Variants in CDH12 observed in about 807,000 individuals in gnomAD.
CDH12 encodes cadherin 12.
In CDH12, 41 loss-of-function variants were observed where a neutral mutation model predicts 74.1. The ratio of observed to expected loss-of-function variants is 0.55; its 90% CI spans 0.43 to 0.72. CDH12 has a LOEUF of 0.72. CDH12 is among the 30% of genes least tolerant of loss of function. CDH12 has a pLI of 0.00. For synonymous variants in CDH12, 399 were observed against 355.0 expected, an observed-to-expected ratio of 1.12 and a Z score of -1.39; for missense variants, 945 against 977.2, an observed-to-expected ratio of 0.97 and a Z score of 0.44.
chr5:21,778,292 A>T (rs1218580922), intron 11 of CDH12, among the ~76,000 whole-genome samples: 3 of 152,104 alleles, frequency 2.0e-5, no homozygotes, highest in East Asian at 3.9e-4. Context: ...CAATGTGAAC[A>T]AGAACACTCA....
chr5:22,314,659 C>T (rs1738535637), intron 3 of CDH12, among the ~76,000 whole-genome samples: 1 of 151,968 alleles, frequency 6.6e-6, no homozygotes, highest in Admixed American at 6.6e-5. Flanking sequence ...AAATGCAGGA[C>T]GCTGAGTGAA....
intron 1 of CDH12, among the ~76,000 whole-genome samples, chr5:22,831,933 TAAATAG>T (rs1736632864): frequency 6.6e-6 from 1 of 151,996 alleles, no homozygotes; most frequent in African/African-American, 2.4e-5. Flanking sequence ...AAAATAATAG[TAAATAG>T]AAATATTTTT....
At chr5:22,252,352 G>A (rs1418610452) in intron 3 of CDH12, among the ~76,000 whole-genome samples, 1 of 151,612 alleles carries the variant, frequency 6.6e-6, no homozygotes, top group Non-Finnish European at 1.5e-5. Context: ...TGTAGTGTTT[G>A]TGACATCATT....
At chr5:22,024,582 A>T (rs1561030733) in intron 5 of CDH12, among the ~76,000 whole-genome samples, 1 of 152,110 alleles carries the variant, frequency 6.6e-6, no homozygotes, top group Non-Finnish European at 1.5e-5. Flanking sequence ...GTGTGATCTC[A>T]GTTCACTGCA....
At position 22,452,901 on chromosome 5, in the gene CDH12, A is replaced by AAAAT. The variant is rs1554041810; in HGVS notation, c.-427-47554_-427-47551dup. ...AGAGCAAAAAAAAAAAAAAAAAAAA[A>AAAAT]AAATGAGTTAAAAGTGGACCAAAGC... On this transcript the variant is annotated intron_variant, in intron 2 of 14. Coordinates refer to ENST00000382254, the MANE Select transcript of CDH12 (RefSeq NM_004061.5). 1.9e-3 allele frequency among the ~76,000 whole-genome samples: 238 copies of AAAAT among 125,938 alleles called. 4 individuals carry two copies. The highest frequency in any genetic ancestry group is 4.6e-3 in the Middle Eastern group (1 of 216). 82.6% of individuals were successfully genotyped at this position (125,938 alleles called of 152,430 possible).
chr5:21,791,184 C>T (rs1347970329), intron 10 of CDH12, among the ~76,000 whole-genome samples: 1 of 152,014 alleles, frequency 6.6e-6, no homozygotes, highest in Non-Finnish European at 1.5e-5. Flanking sequence ...AGTGCTCTGT[C>T]TATATGTGAC....
intron 2 of CDH12, among the ~76,000 whole-genome samples, chr5:22,427,345 T>A (rs1305995602): frequency 1.3e-5 from 2 of 152,078 alleles, no homozygotes; most frequent in Non-Finnish European, 2.9e-5. Flanking sequence ...TTTTTATATT[T>A]TTAGTAGAGA....
chr5:22,461,161 G>A (rs1197338940), intron 2 of CDH12, among the ~76,000 whole-genome samples: 1 of 149,564 alleles, frequency 6.7e-6, no homozygotes, highest in Non-Finnish European at 1.5e-5. Flanking sequence ...CCGAGTAGCT[G>A]GGACTACAGG....
intron 3 of CDH12, among the ~76,000 whole-genome samples, chr5:22,377,811 A>T (rs1037929785): frequency 6.6e-6 from 1 of 152,166 alleles, no homozygotes; most frequent in African/African-American, 2.4e-5. Context: ...TAAATTCCTA[A>T]CAGTAAAAAC....
Position 22,394,542 on chromosome 5 carries a change from A to G in CDH12, c.-333+10715T>C, listed in dbSNP as rs193202720. On this transcript the variant is annotated intron_variant, in intron 3 of 14. Transcript: ENST00000382254. ...AAAGCAGATGGAATCTCATGCCCAC[A>G]GGAGTGAGCCTCAGGCCAAGAGAAA... Among the ~76,000 whole-genome samples, 392 of 152,184 alleles carry G rather than the reference A, an allele frequency of 2.6e-3. 2 individuals carry two copies. The highest frequency in any genetic ancestry group is 8.7e-3 in the African/African-American group (359 of 41,480).
chr5:22,026,319 C>A (rs1353110801), intron 5 of CDH12, among the ~76,000 whole-genome samples: 2 of 152,108 alleles, frequency 1.3e-5, no homozygotes, highest in Non-Finnish European at 2.9e-5. Flanking sequence ...CTGCAGACAC[C>A]CTGCTTTAGG....
At chr5:22,369,151 TA>T (rs1484939383) in intron 3 of CDH12, among the ~76,000 whole-genome samples, 1 of 149,850 alleles carries the variant, frequency 6.7e-6, no homozygotes, top group Non-Finnish European at 1.5e-5. Context: ...AATGAATGAA[TA>T]AAAAATAAAA....
chr5:22,729,095 T>A (rs1744304102), intron 1 of CDH12, among the ~76,000 whole-genome samples: 1 of 151,774 alleles, frequency 6.6e-6, no homozygotes, highest in South Asian at 2.1e-4. Context: ...CAACAATTGA[T>A]CCCAAACTTA....
chr5:22,796,337 C>G (rs1748207816), intron 1 of CDH12, among the ~76,000 whole-genome samples: 6 of 151,956 alleles, frequency 3.9e-5, no homozygotes, highest in Admixed American at 3.9e-4. Context: ...TTCTTCATGT[C>G]CTTGACAACA....
At chr5:22,765,672 C>A (rs918265274) in intron 1 of CDH12, among the ~76,000 whole-genome samples, 11 of 151,978 alleles carry the variant, frequency 7.2e-5, no homozygotes, top group Admixed American at 7.2e-4. Flanking sequence ...GATATTCCAT[C>A]GGTAACAGAT....
chr5:22,494,448 G>A (rs80250696), intron 2 of CDH12, among the ~76,000 whole-genome samples: 1 of 152,056 alleles, frequency 6.6e-6, no homozygotes, highest in African/African-American at 2.4e-5. Flanking sequence ...GAAATGATTG[G>A]GTAAATAGTT....
In CDH12 at chr5:22,158,977, G is replaced by A. The variant is rs190742576; in HGVS notation, c.-187+53521C>T. Among the ~76,000 whole-genome samples the A allele has an allele frequency of 2.7e-3, 408 of 152,116 alleles. 2 individuals are homozygous for A. The highest frequency in any genetic ancestry group is 9.0e-3 in the African/African-American group (374 of 41,504). On this transcript the variant is annotated intron_variant, in intron 4 of 14. Transcript: ENST00000382254. ...AAGTTAGCATATAAAATAAAACTTC[G>A]TTACTTAAAAATTTGAGCACAGTTA... is the stretch of plus-strand genomic sequence containing the variant.
At chr5:22,659,162 T>G (rs17277829) in intron 1 of CDH12, among the ~76,000 whole-genome samples, 1 of 152,110 alleles carries the variant, frequency 6.6e-6, no homozygotes, top group Non-Finnish European at 1.5e-5. Context: ...ATATGTTGAA[T>G]AGAAGAAACC....
chr5:22,597,600 C>G (rs1736663421), intron 1 of CDH12, among the ~76,000 whole-genome samples: 1 of 152,120 alleles, frequency 6.6e-6, no homozygotes, highest in Non-Finnish European at 1.5e-5. Flanking sequence ...TCTGAAATTT[C>G]CTAATCTGTT....
Sources: allele counts gnomAD v4.1 joint callset (sites outside exome capture counted in the v4.1 genomes callset), GRCh38; gene constraint gnomAD v4.1.1; transcripts MANE v1.5; gene names NCBI Gene and HGNC (gene_info 2026-07-23, HGNC 2026-07-21).